The following PPP1R9A variants were observed in gnomAD, a reference collection of about 807,000 sequenced individuals.
PPP1R9A encodes the protein protein phosphatase 1 regulatory subunit 9A.
In PPP1R9A, 59 loss-of-function variants were observed where a neutral mutation model predicts 141.9. The ratio of observed to expected loss-of-function variants is 0.42; its 90% confidence interval spans 0.34 to 0.52. The LOEUF (loss-of-function observed/expected upper bound fraction) is 0.52. Ranked by LOEUF, PPP1R9A falls within the 20% of genes least tolerant of loss-of-function variation. PPP1R9A has a pLI of 0.10. For synonymous variants in PPP1R9A, 500 were observed against 569.7 expected (o/e 0.88, Z 1.74); for missense variants, 1,444 against 1,611.9 (o/e 0.90, Z 1.78).
At chr7:95,006,765 A>G (rs1803664096) in intron 2 of PPP1R9A, among the ~76,000 whole-genome samples, 1 of 152,150 alleles carries the variant, frequency 6.6e-6, no homozygotes, top group South Asian at 2.1e-4. Flanking sequence ...CCTGGAGGTG[A>G]GACAGGGTTT....
chr7:95,251,893 AT>A, intron 11 of PPP1R9A, 35 bp downstream of exon 11: 1 of 1,610,844 alleles, frequency 6.2e-7, no homozygotes, highest in Admixed American at 1.7e-5. Context: ...AAATAATAAG[AT>A]GGTTTTGCTG....
intron 4 of PPP1R9A, among the ~76,000 whole-genome samples, chr7:95,146,297 T>G (rs1827600513): frequency 6.6e-6 from 1 of 152,222 alleles, no homozygotes; most frequent in South Asian, 2.1e-4. Context: ...ATAAATGCCT[T>G]CTTTTGAAAA....
chr7:94,927,516 C>T (rs770956791), intron 2 of PPP1R9A, among the ~76,000 whole-genome samples: 7 of 152,046 alleles, frequency 4.6e-5, no homozygotes, highest in Non-Finnish European at 1.0e-4. Flanking sequence ...GCTGATAAAT[C>T]GCCTATTATT....
At chr7:95,271,397 A>G (rs1295167475) in intron 14 of PPP1R9A, among the ~76,000 whole-genome samples, 1 of 152,214 alleles carries the variant, frequency 6.6e-6, no homozygotes, top group Non-Finnish European at 1.5e-5. Context: ...AGGACCCTTG[A>G]GACATACCTT....
At chr7:95,013,508 A>G (rs1804701841) in intron 2 of PPP1R9A, among the ~76,000 whole-genome samples, 1 of 152,148 alleles carries the variant, frequency 6.6e-6, no homozygotes, top group Non-Finnish European at 1.5e-5. Flanking sequence ...TTTAAGAACT[A>G]AACCAGAGTA....
intron 5 of PPP1R9A, among the ~76,000 whole-genome samples, chr7:95,173,408 A>G (rs1341968310): frequency 6.6e-6 from 1 of 151,990 alleles, no homozygotes; most frequent in Non-Finnish European, 1.5e-5. Flanking sequence ...ACAAATCTGC[A>G]TATATACCCT....
At chr7:95,268,482 G>A (rs1269426751) in intron 12 of PPP1R9A, 68 bp from the exon 13 acceptor site, 8 of 1,554,876 alleles carry the variant, frequency 5.1e-6, no homozygotes, top group African/African-American at 1.4e-5. Flanking sequence ...GATTTTATCA[G>A]TGTCTGTGGT....
intron 2 of PPP1R9A, among the ~76,000 whole-genome samples, chr7:95,054,693 C>T (rs1386898564): frequency 6.6e-6 from 1 of 152,100 alleles, no homozygotes. Context: ...CACATCTGAC[C>T]TTTTTCTCTT....
At chr7:95,212,885 T>C (rs1792429901) in intron 7 of PPP1R9A, among the ~76,000 whole-genome samples, 1 of 152,154 alleles carries the variant, frequency 6.6e-6, no homozygotes, top group Non-Finnish European at 1.5e-5. Context: ...CTAGAGAATA[T>C]AGTTGTTATC....
chr7:95,207,388 C>T lies in PPP1R9A; in HGVS notation c.1956+3658C>T, dbSNP rs559650960. On this transcript the variant is annotated intron_variant, in intron 7 of 19. Transcript: ENST00000433360. ...TACCAGGAATGCAGTAAAACTTTGACAGTGTGAGATGTATGAAGTAATAAA... is the reference window on the plus strand; with the variant it reads ...TACCAGGAATGCAGTAAAACTTTGATAGTGTGAGATGTATGAAGTAATAAA... Among the ~76,000 whole-genome samples, 113 of 152,154 alleles carry T rather than the reference C, an allele frequency of 7.4e-4. 2 individuals are homozygous for T. Among genetic ancestry groups the T allele is most frequent in the African/African-American group, 2.6e-3 (109 of 41,520 alleles).
chr7:95,175,653 T>A (rs964223338), intron 5 of PPP1R9A, among the ~76,000 whole-genome samples: 1 of 152,158 alleles, frequency 6.6e-6, no homozygotes, highest in Non-Finnish European at 1.5e-5. Context: ...AGATTTTGTT[T>A]CAATTTGAAG....
At chr7:95,106,553 A>C (rs1819541978) in intron 2 of PPP1R9A, among the ~76,000 whole-genome samples, 1 of 152,154 alleles carries the variant, frequency 6.6e-6, no homozygotes, top group South Asian at 2.1e-4. Context: ...ATGATTTAGC[A>C]AGCCATTTTC....
At chr7:95,009,255 C>G (rs1330291745) in intron 2 of PPP1R9A, among the ~76,000 whole-genome samples, 2 of 152,138 alleles carry the variant, frequency 1.3e-5, no homozygotes, top group African/African-American at 2.4e-5. Context: ...ACATATGTAA[C>G]AAACCTGCAC....
intron 8 of PPP1R9A, among the ~76,000 whole-genome samples, chr7:95,229,214 T>C (rs1795563529): frequency 6.6e-6 from 1 of 151,726 alleles, no homozygotes; most frequent in African/African-American, 2.4e-5. Flanking sequence ...ATTGTGAACT[T>C]TTGCCCCAAG....
intron 16 of PPP1R9A, among the ~76,000 whole-genome samples, chr7:95,277,862 C>T (rs776742369): frequency 6.6e-6 from 1 of 152,156 alleles, no homozygotes; most frequent in Non-Finnish European, 1.5e-5. Flanking sequence ...AGTAAGTAGC[C>T]ACTGATGTCA....
At chr7:95,179,755 C>T (rs1011433665) in intron 5 of PPP1R9A, among the ~76,000 whole-genome samples, 1 of 132,334 alleles carries the variant, frequency 7.6e-6, no homozygotes, top group Non-Finnish European at 1.6e-5. Flanking sequence ...AAATCAAGAA[C>T]TCAACCCCTT....
chr7:95,245,874 G>A (rs913317054), intron 8 of PPP1R9A, among the ~76,000 whole-genome samples: 16 of 152,100 alleles, frequency 1.1e-4, no homozygotes, highest in Admixed American at 7.2e-4. Context: ...CCTAGGAGCC[G>A]GTGAGGGTGC....
chr7:95,035,148 G>A (rs1024042332), intron 2 of PPP1R9A, among the ~76,000 whole-genome samples: 2 of 152,112 alleles, frequency 1.3e-5, no homozygotes, highest in Non-Finnish European at 2.9e-5. Flanking sequence ...AGTTTATTCT[G>A]TTTTATTAGG....
rs1278919035 is a variant in PPP1R9A at position 95,294,279 on chromosome 7, T to C, written c.*3976T>C. The stretch of plus-strand genomic sequence containing the variant: ...AATGTCCATATTTTCTTTTCTTTTC[T>C]TTTTTTTTTTTTTTTTCTGTCATCT... On this transcript the variant is annotated 3_prime_UTR_variant, in exon 20 of 20. Coordinates refer to ENST00000433360, the MANE Select transcript of PPP1R9A (RefSeq NM_001166160.2). 1.5e-5 allele frequency: 2 copies of C among 133,756 alleles called. No homozygotes were observed. Among genetic ancestry groups the C allele is most frequent in the Non-Finnish European group, 3.1e-5 (2 of 64,850 alleles). The allele number at this position is 133,756 out of a possible 1,614,324, so 8.3% of individuals were successfully genotyped here.
Sources: allele counts gnomAD v4.1 joint callset (sites outside exome capture counted in the v4.1 genomes callset), GRCh38; gene constraint gnomAD v4.1.1; transcripts MANE v1.5; gene names NCBI Gene and HGNC (gene_info 2026-07-23, HGNC 2026-07-21).